VRK3: variants seen among roughly 807,000 people sequenced by gnomAD.
The protein encoded by VRK3 is VRK serine/threonine kinase 3.
Under a neutral mutation model 60.4 loss-of-function variants are expected in VRK3, and 50 were observed. That is an observed-to-expected ratio of 0.83 (90% CI 0.66 to 1.05). The LOEUF is 1.05. VRK3 is among the 50% of genes least tolerant of loss of function. VRK3 has a pLI of 0.00. For synonymous variants in VRK3, 246 were observed against 227.8 expected, an observed-to-expected ratio of 1.08 and a Z score of -0.72; for missense variants, 549 against 585.3, an observed-to-expected ratio of 0.94 and a Z score of 0.64.
At chr19:50,012,655 T>C (rs1419477579) in intron 3 of VRK3, among the ~76,000 whole-genome samples, 1 of 151,850 alleles carries the variant, frequency 6.6e-6, no homozygotes, top group African/African-American at 2.4e-5. Flanking sequence ...TCCCAACACT[T>C]TGGGAGGCCA....
chr19:50,006,112 CCT>C (rs2076885776), intron 5 of VRK3, among the ~76,000 whole-genome samples: 1 of 137,968 alleles, frequency 7.2e-6, no homozygotes, highest in Non-Finnish European at 1.5e-5. Context: ...ATGGTAACAC[CCT>C]GTCTCTACTA....
chr19:50,019,073 G>A (rs1294921596), intron 2 of VRK3: 1 of 148,886 alleles, frequency 6.7e-6, no homozygotes, highest in Non-Finnish European at 1.5e-5. Flanking sequence ...GCTTAGGCAG[G>A]AGAATGGCAT....
chr19:49,992,992 G>T, intron 9 of VRK3, 40 bp from the exon 10 acceptor site: 2 of 1,568,000 alleles, frequency 1.3e-6, no homozygotes, highest in South Asian at 2.2e-5. Context: ...TGAGCAGTAC[G>T]ACTAACACAG....
chr19:50,010,930 AAAAAACAAAAAAC>A (rs56691513), intron 3 of VRK3, among the ~76,000 whole-genome samples: 3,080 of 145,306 alleles, frequency 0.021, 102 homozygotes, highest in African/African-American at 0.072. Context: ...AAACAAAAAC[AAAAAACAAAAAAC>A]AAAAACAAAA....
In VRK3 at chr19:50,020,582, T is replaced by C. The variant is rs150269324; in HGVS notation, c.-2+3A>G. ...TTGAGAGGCTGTGCCCAAGGGATAATACCTTTATGAGGTCACGGTCTGGCC... is the reference window on the plus strand; with the variant it reads ...TTGAGAGGCTGTGCCCAAGGGATAACACCTTTATGAGGTCACGGTCTGGCC... On this transcript the variant is annotated splice_donor_region_variant and intron_variant, in intron 2 of 14. Transcript: ENST00000316763. The C allele has an allele frequency of 1.5e-4, 23 of 152,340 alleles. No homozygotes were observed. The highest frequency in any genetic ancestry group is 5.5e-4 in the African/African-American group (23 of 41,574). The allele number at this position is 152,340 out of a possible 1,614,324, so 9.4% of individuals were successfully genotyped here.
At chr19:50,011,971 CTTTT>C (rs36006212) in intron 3 of VRK3, among the ~76,000 whole-genome samples, 3 of 139,232 alleles carry the variant, frequency 2.2e-5, no homozygotes, top group Non-Finnish European at 3.1e-5. Context: ...CTTGCTCATT[CTTTT>C]TTTTTTTTTT....
chr19:49,991,026 G>A (rs2076602097), intron 10 of VRK3, among the ~76,000 whole-genome samples: 1 of 152,094 alleles, frequency 6.6e-6, no homozygotes, highest in Non-Finnish European at 1.5e-5. Flanking sequence ...GGGCTCAAGC[G>A]ATCCGATCCT....
At chr19:49,993,559 C>T (rs532170547) in intron 9 of VRK3, among the ~76,000 whole-genome samples, 4 of 152,128 alleles carry the variant, frequency 2.6e-5, no homozygotes, top group African/African-American at 4.8e-5. Context: ...CCACCACACC[C>T]GGCTAATTTT....
At chr19:50,015,202 G>C (rs1371346133) in intron 3 of VRK3, among the ~76,000 whole-genome samples, 2 of 152,164 alleles carry the variant, frequency 1.3e-5, no homozygotes, top group Non-Finnish European at 2.9e-5. Context: ...ATCCAACACA[G>C]GCTGAGCATC....
chr19:49,994,179 G>T (rs915444189), intron 9 of VRK3, among the ~76,000 whole-genome samples: 1 of 152,098 alleles, frequency 6.6e-6, no homozygotes, highest in South Asian at 2.1e-4. Context: ...TGCAAACTGG[G>T]CCCTCTTACT....
At position 50,017,237 on chromosome 19, in the gene VRK3, A is replaced by G. The variant is rs530506552; in HGVS notation, c.-1-1074T>C. 8.6e-5 allele frequency among the ~76,000 whole-genome samples: 13 copies of G among 151,484 alleles called. No homozygotes were observed. The East Asian group carries it at 2.6e-3, about 30-fold the overall frequency. ...CAGCAGCAACAAAAAAAGGCCATTT[A>G]TTTGTTCTTATAGTCTCAGGCTTAC... On this transcript the variant is annotated intron_variant, in intron 2 of 14. Coordinates refer to ENST00000316763, the MANE Select transcript of VRK3 (RefSeq NM_016440.4).
At position 49,980,999 on chromosome 19, in the gene VRK3, G is replaced by C; in HGVS notation, c.1232C>G (p.Pro411Arg). Residue 411 changes from proline (P) to arginine (R), a missense_variant, in exon 13 of 15, where the codon CCG becomes CGG. Transcript: ENST00000316763. ...MKQKQKFVDKPGPFVGPCGHW... is the reference protein window; with the variant it reads ...MKQKQKFVDKRGPFVGPCGHW... ...ACCGCAGGGTCCCACGAAGGGCCCC[G>C]GCTTATCAACAAACCTGAAGGGACA... 2 of 1,612,448 alleles carry C rather than the reference G, an allele frequency of 1.2e-6. No homozygotes were observed. The highest frequency in any genetic ancestry group is 1.7e-6 in the Non-Finnish European group (2 of 1,179,354).
In VRK3 at chr19:49,976,564, A is replaced by G. The variant is rs1479523863; in HGVS notation, c.*232T>C. On this transcript the variant is annotated 3_prime_UTR_variant, in exon 15 of 15. Transcript: ENST00000316763. ...CAACCCCATCCAGCTTTGCTAGGAC[A>G]CTGGCTGAAGGGCAGGCCACCAAGA... 2.0e-5 allele frequency: 3 copies of G among 152,698 alleles called. No individual in the cohort carries two copies. Among genetic ancestry groups the G allele is most frequent in the Non-Finnish European group, 4.4e-5 (3 of 68,082 alleles). 9.5% of individuals were successfully genotyped at this position (152,698 alleles called of 1,614,324 possible).
chr19:49,982,056 A>G (rs973502821), intron 12 of VRK3: 3 of 694,348 alleles, frequency 4.3e-6, no homozygotes, highest in African/African-American at 1.8e-5. Flanking sequence ...AGGCGGCTGC[A>G]TAACGGAGAT....
At chr19:50,012,540 T>C (rs2077011899) in intron 3 of VRK3, among the ~76,000 whole-genome samples, 1 of 152,154 alleles carries the variant, frequency 6.6e-6, no homozygotes, top group South Asian at 2.1e-4. Context: ...TGCCATCTGA[T>C]GACTGATGGA....
rs1052498 is a variant in VRK3 at position 49,976,502 on chromosome 19, T to A, written c.*294A>T. 0.18 allele frequency: 27,574 copies of A among 152,490 alleles called. 2,687 individuals carry two copies. The highest frequency in any genetic ancestry group is 0.33 in the East Asian group (1,681 of 5,168). The allele number at this position is 152,490 out of a possible 1,614,324, so 9.4% of individuals were successfully genotyped here. ...ACAATTTATTACCAAAGCACAGAGGTGTCAAGGGTAGGAGGGGTCCCCCCT... is the reference window on the plus strand; with the variant it reads ...ACAATTTATTACCAAAGCACAGAGGAGTCAAGGGTAGGAGGGGTCCCCCCT... On this transcript the variant is annotated 3_prime_UTR_variant, in exon 15 of 15. Transcript: ENST00000316763.
intron 11 of VRK3, among the ~76,000 whole-genome samples, chr19:49,988,818 C>T (rs1281633142): frequency 1.3e-5 from 2 of 152,166 alleles, no homozygotes; most frequent in South Asian, 2.1e-4. Flanking sequence ...ACCAGGATCT[C>T]GTCGGGTCCC....
chr19:49,997,465 C>A, intron 7 of VRK3, 39 bp downstream of exon 7: 1 of 1,609,262 alleles, frequency 6.2e-7, no homozygotes, highest in Non-Finnish European at 8.5e-7. Context: ...TTGGCGCCCC[C>A]CTCACTCTCC....
chr19:49,979,207 G>C lies in VRK3; in HGVS notation c.1312C>G (p.Leu438Val), dbSNP rs1307599874. 28 of 1,613,968 alleles carry C rather than the reference G, an allele frequency of 1.7e-5. No homozygotes were observed. The highest frequency in any genetic ancestry group is 2.2e-5 in the Non-Finnish European group (26 of 1,180,028). ...LQKYLKVVMA[L>V]TYEEKPPYAM... Reference sequence around the variant, plus strand: ...TAGGGCGGCTTCTCCTCATACGTGAGGGCCATCACCACCTTCAGGTACTTC... The same window carrying C: ...TAGGGCGGCTTCTCCTCATACGTGACGGCCATCACCACCTTCAGGTACTTC... Residue 438 changes from leucine to valine, a missense_variant, in exon 14 of 15, where the codon CTC (leucine) becomes GTC (valine). Physicochemically the swap from Leu to Val is conservative, Grantham distance 32. Transcript: ENST00000316763.
Sources: allele counts gnomAD v4.1 joint callset (sites outside exome capture counted in the v4.1 genomes callset), GRCh38; gene constraint gnomAD v4.1.1; transcripts MANE v1.5; gene names NCBI Gene and HGNC (gene_info 2026-07-23, HGNC 2026-07-21).